Variants in AOAH observed in about 807,000 individuals in gnomAD.
AOAH encodes acyloxyacyl hydrolase (neutrophil).
A neutral mutation model predicts 92.2 loss-of-function variants in AOAH; 64 were observed. The ratio of observed to expected loss-of-function variants is 0.69; its 90% confidence interval spans 0.57 to 0.86. The LOEUF is 0.86. Among genes scored for constraint, AOAH ranks in the 40% least tolerant of loss-of-function variants. The pLI, the probability that AOAH is intolerant of heterozygous loss-of-function variation, is 0.00. For missense variants in AOAH, 656 were observed against 694.6 expected (o/e 0.94, Z 0.62); for synonymous variants, 263 against 254.5 (o/e 1.03, Z -0.32).
At chr7:36,517,685 C>A (rs1326171244) in intron 20 of AOAH, among the ~76,000 whole-genome samples, 2 of 146,648 alleles carry the variant, frequency 1.4e-5, no homozygotes, top group Non-Finnish European at 3.0e-5. Flanking sequence ...ACTGTAACCT[C>A]CACCTCCCAG....
At chr7:36,581,235 C>A (rs1271769885) in intron 12 of AOAH, among the ~76,000 whole-genome samples, 1 of 152,212 alleles carries the variant, frequency 6.6e-6, no homozygotes, top group Non-Finnish European at 1.5e-5. Flanking sequence ...GCATTCCCTC[C>A]AACCAGCTTA....
At chr7:36,554,556 T>C (rs1030529330) in intron 13 of AOAH, among the ~76,000 whole-genome samples, 1 of 152,262 alleles carries the variant, frequency 6.6e-6, no homozygotes, top group African/African-American at 2.4e-5. Context: ...TGGCATTGAA[T>C]CTACAAATTG....
In AOAH at chr7:36,608,911, G is replaced by T. The variant is rs888544661; in HGVS notation, c.846+7469C>A. 2.7e-4 allele frequency among the ~76,000 whole-genome samples: 27 copies of T among 100,944 alleles called. 1 individual carries two copies. Among genetic ancestry groups the T allele is most frequent in the African/African-American group, 9.7e-4 (19 of 19,670 alleles). 66.2% of individuals were successfully genotyped at this position (100,944 alleles called of 152,430 possible). A position where few individuals can be genotyped will look rare whatever the true frequency, so the allele number is the denominator to read the frequency against. The stretch of plus-strand genomic sequence containing the variant: ...ATATTAGGAGCTGTTGCGGCGGGGA[G>T]GGGGGGGGGTCTGGTACAAAGAGAC... On this transcript the variant is annotated intron_variant, in intron 11 of 20. Transcript: ENST00000617537.
chr7:36,524,651 G>A (rs912176068), intron 19 of AOAH, among the ~76,000 whole-genome samples: 18 of 151,918 alleles, frequency 1.2e-4, no homozygotes, highest in East Asian at 1.9e-4. Context: ...ACTTCAGCCC[G>A]GGAGACAGTG....
intron 1 of AOAH, among the ~76,000 whole-genome samples, chr7:36,722,903 C>T (rs765835881): frequency 1.6e-4 from 20 of 122,726 alleles, no homozygotes; most frequent in Non-Finnish European, 2.2e-4. Context: ...CATTGTACTC[C>T]AGCCCAGGTG....
At position 36,545,023 on chromosome 7, in the gene AOAH, T is replaced by C. The variant is rs1006348331; in HGVS notation, c.1133+3589A>G. 9.9e-5 allele frequency among the ~76,000 whole-genome samples: 15 copies of C among 151,846 alleles called. No individual in the cohort carries two copies. The East Asian group carries it at 1.9e-3, about 20-fold the overall frequency. ...GCCAGTTGCAATCACATTGTTGGGC[T>C]CCCATCCAATCCCCTTGAAGAGAAA... On this transcript the variant is annotated intron_variant, in intron 15 of 20. Transcript: ENST00000617537.
At chr7:36,656,874 G>GT (rs1470561362) in intron 4 of AOAH, among the ~76,000 whole-genome samples, 1 of 91,562 alleles carries the variant, frequency 1.1e-5, no homozygotes, top group Non-Finnish European at 2.5e-5. Flanking sequence ...GCACAAAGAG[G>GT]TTTGGTGGGG....
At chr7:36,706,900 G>C (rs955323870) in intron 1 of AOAH, among the ~76,000 whole-genome samples, 1 of 152,132 alleles carries the variant, frequency 6.6e-6, no homozygotes, top group Non-Finnish European at 1.5e-5. Context: ...CTTTGGCTTA[G>C]GGGAATAGCA....
At chr7:36,623,842 C>G (rs1031838541) in intron 6 of AOAH, among the ~76,000 whole-genome samples, 1 of 152,184 alleles carries the variant, frequency 6.6e-6, no homozygotes, top group Non-Finnish European at 1.5e-5. Flanking sequence ...CTTTTCCCAG[C>G]TTCTCAATGT....
chr7:36,564,992 G>A lies in AOAH; in HGVS notation c.1021+11582C>T, dbSNP rs544786499. On this transcript the variant is annotated intron_variant, in intron 13 of 20. Transcript: ENST00000617537. ...TGGGAATAATAAATAATAAATACAT[G>A]AGTAATAACAGAGTGATTTCTAAAT... 5.9e-5 allele frequency among the ~76,000 whole-genome samples: 9 copies of A among 152,308 alleles called. No individual in the cohort carries two copies. In the South Asian group the frequency reaches 1.5e-3, roughly 25 times the overall value.
At chr7:36,514,062 C>T (rs1376614046) in intron 20 of AOAH, among the ~76,000 whole-genome samples, 1 of 152,124 alleles carries the variant, frequency 6.6e-6, no homozygotes, top group African/African-American at 2.4e-5. Context: ...TTCTTCCTTC[C>T]AGAAAGTCTC....
At chr7:36,565,664 C>T (rs1415253870) in intron 13 of AOAH, among the ~76,000 whole-genome samples, 2 of 151,774 alleles carry the variant, frequency 1.3e-5, no homozygotes, top group South Asian at 4.2e-4. Context: ...TCCTGAGTAG[C>T]TGGGACTATA....
At position 36,717,724 on chromosome 7, in the gene AOAH, C is replaced by CTTA. The variant is rs1554327701; in HGVS notation, c.127+6295_127+6297dup. Among the ~76,000 whole-genome samples the CTTA allele has an allele frequency of 1.8e-4, 15 of 81,554 alleles. No individual in the cohort carries two copies. In the East Asian group the frequency reaches 8.2e-3, roughly 45 times the overall value. The allele number at this position is 81,554 out of a possible 152,430, so 53.5% of individuals were successfully genotyped here. A position where few individuals can be genotyped will look rare whatever the true frequency, so the allele number is the denominator to read the frequency against. On this transcript the variant is annotated intron_variant, in intron 1 of 20. Coordinates refer to ENST00000617537, the MANE Select transcript of AOAH (RefSeq NM_001637.4). ...CAAGCAAATTTCCTCTTTTTCTCTT[C>CTTA]TTATTTTTTTTTTTTTTTGCTTAGC...
intron 1 of AOAH, among the ~76,000 whole-genome samples, chr7:36,723,259 A>G (rs551167933): frequency 2.0e-5 from 3 of 152,236 alleles, no homozygotes; most frequent in African/African-American, 7.2e-5. Flanking sequence ...AAATGCCACC[A>G]CTATTATGAG....
intron 1 of AOAH, among the ~76,000 whole-genome samples, chr7:36,715,702 C>A (rs1380763586): frequency 2.2e-5 from 3 of 138,208 alleles, no homozygotes; most frequent in African/African-American, 8.1e-5. Context: ...TTTGACAAAC[C>A]TGAGAAAAAC....
At chr7:36,642,186 A>G (rs988528821) in intron 4 of AOAH, among the ~76,000 whole-genome samples, 5 of 151,918 alleles carry the variant, frequency 3.3e-5, no homozygotes, top group African/African-American at 1.2e-4. Flanking sequence ...TTGCCATTAA[A>G]AGCAATAGCA....
At chr7:36,655,026 C>T (rs918759139) in intron 4 of AOAH, among the ~76,000 whole-genome samples, 1 of 152,190 alleles carries the variant, frequency 6.6e-6, no homozygotes, top group African/African-American at 2.4e-5. Context: ...CCAACTTCTG[C>T]TATTTTCATT....
At chr7:36,557,624 A>T in intron 13 of AOAH, among the ~76,000 whole-genome samples, 1 of 152,222 alleles carries the variant, frequency 6.6e-6, no homozygotes, top group Non-Finnish European at 1.5e-5. Flanking sequence ...AGGTACACCA[A>T]TCAGACGTAG....
At chr7:36,621,414 C>T (rs1322266110) in intron 8 of AOAH, among the ~76,000 whole-genome samples, 2 of 152,274 alleles carry the variant, frequency 1.3e-5, no homozygotes, top group African/African-American at 2.4e-5. Context: ...ATAATCTGTT[C>T]ACTTGATTGT....
Sources: gnomAD v4.1 joint callset for allele counts (sites outside exome capture counted in the v4.1 genomes callset) on GRCh38, gnomAD v4.1.1 for gene constraint, MANE v1.5 for transcripts, NCBI Gene and HGNC (gene_info 2026-07-23, HGNC 2026-07-21) for gene names.